SYT1: variants seen among roughly 807,000 people sequenced by gnomAD.
SYT1 encodes the protein synaptotagmin 1.
In SYT1, 8 loss-of-function variants were observed where a neutral mutation model predicts 44.8. The observed-to-expected ratio is 0.18, with a 90% CI of 0.10 to 0.32. SYT1 has a LOEUF of 0.32. Among genes scored for constraint, SYT1 ranks in the 10% least tolerant of loss-of-function variants. The probability of loss-of-function intolerance (pLI) is 1.00; values close to 1 mark genes in which losing one functional copy is unlikely to be tolerated. For synonymous variants in SYT1, 154 were observed against 188.8 expected (o/e 0.82, Z 1.51); for missense variants, 286 against 509.3 (o/e 0.56, Z 4.22).
At chr12:79,324,053 C>A (rs138662175) in intron 8 of SYT1, among the ~76,000 whole-genome samples, 229 of 150,128 alleles carry the variant, frequency 1.5e-3, no homozygotes, top group African/African-American at 5.2e-3. Context: ...CGTGTTCAAG[C>A]GATTCTCCTG....
chr12:78,893,098 C>T (rs983692614), intron 1 of SYT1, among the ~76,000 whole-genome samples: 1 of 151,780 alleles, frequency 6.6e-6, no homozygotes, highest in African/African-American at 2.4e-5. Context: ...TCATTACAAT[C>T]AGTATGCATG....
intron 8 of SYT1, among the ~76,000 whole-genome samples, chr12:79,317,758 A>G (rs942282488): frequency 6.6e-6 from 1 of 151,560 alleles, no homozygotes; most frequent in Admixed American, 6.6e-5. Flanking sequence ...TTGGAAAGAA[A>G]GAACACTGCA....
chr12:79,448,686 T>C (rs540539517), intron 10 of SYT1, among the ~76,000 whole-genome samples: 12 of 152,234 alleles, frequency 7.9e-5, no homozygotes. Context: ...AATGGCAATA[T>C]TAATAGGATC....
chr12:79,216,807 C>T (rs1222906227), intron 3 of SYT1, among the ~76,000 whole-genome samples: 1 of 152,016 alleles, frequency 6.6e-6, no homozygotes, highest in Non-Finnish European at 1.5e-5. Context: ...GTTTCATTAG[C>T]AGCACCTTGA....
intron 2 of SYT1, among the ~76,000 whole-genome samples, chr12:79,027,009 T>A (rs1004418887): frequency 6.6e-6 from 1 of 151,344 alleles, no homozygotes; most frequent in African/African-American, 2.4e-5. Context: ...CCTCAAAAAA[T>A]TGAAAATAGA....
intron 2 of SYT1, among the ~76,000 whole-genome samples, chr12:79,026,101 A>G (rs1364705052): frequency 1.3e-5 from 2 of 151,730 alleles, no homozygotes; most frequent in African/African-American, 2.4e-5. Context: ...TGAATTTTAT[A>G]TAATTTTTAA....
At chr12:79,219,721 T>C (rs996839054) in intron 4 of SYT1, among the ~76,000 whole-genome samples, 9 of 152,084 alleles carry the variant, frequency 5.9e-5, no homozygotes, top group African/African-American at 2.2e-4. Context: ...TTTATGCTTG[T>C]ACCATGCTGT....
chr12:79,159,423 A>G (rs1300634812), intron 3 of SYT1, among the ~76,000 whole-genome samples: 1 of 152,198 alleles, frequency 6.6e-6, no homozygotes. Context: ...CCAAGGTTTC[A>G]GTTACCTGTG....
At position 79,421,963 on chromosome 12, in the gene SYT1, C is replaced by T. The variant is rs1163880433; in HGVS notation, c.929-22110C>T. Among the ~76,000 whole-genome samples the T allele has an allele frequency of 4.6e-5, 7 of 151,932 alleles. No homozygotes were observed. In the East Asian group the frequency reaches 1.4e-3, roughly 29 times the overall value. ...CCTGTTCCATTTATTGAAACTTCTC[C>T]TTCAGGGACATCAATTTCCTCATGT... On this transcript the variant is annotated intron_variant, in intron 9 of 10. Transcript: ENST00000261205.
intron 3 of SYT1, among the ~76,000 whole-genome samples, chr12:79,211,798 C>T (rs1226018305): frequency 6.6e-6 from 1 of 151,876 alleles, no homozygotes; most frequent in Non-Finnish European, 1.5e-5. Flanking sequence ...GCATAGTATT[C>T]CATGGTGTAT....
At chr12:79,238,586 C>T (rs1194654885) in intron 4 of SYT1, among the ~76,000 whole-genome samples, 3 of 152,146 alleles carry the variant, frequency 2.0e-5, no homozygotes, top group Admixed American at 2.0e-4. Flanking sequence ...AATTACAGCT[C>T]ATGCACTTAA....
intron 1 of SYT1, among the ~76,000 whole-genome samples, chr12:78,946,764 C>T (rs1037307534): frequency 2.6e-5 from 4 of 151,940 alleles, no homozygotes; most frequent in African/African-American, 9.7e-5. Context: ...TTCTTAAACC[C>T]ACTAAACTCA....
chr12:79,430,373 T>C (rs866418004), intron 9 of SYT1, among the ~76,000 whole-genome samples: 3 of 152,224 alleles, frequency 2.0e-5, no homozygotes, highest in Non-Finnish European at 4.4e-5. Flanking sequence ...TGGACTAATT[T>C]AAATATAACT....
At chr12:79,026,612 T>C (rs1437711550) in intron 2 of SYT1, among the ~76,000 whole-genome samples, 1 of 146,992 alleles carries the variant, frequency 6.8e-6, no homozygotes, top group African/African-American at 2.5e-5. Context: ...GATACTGACT[T>C]GTTCCTTTTA....
chr12:79,004,626 TA>T (rs1870959920), intron 2 of SYT1, among the ~76,000 whole-genome samples: 1 of 151,988 alleles, frequency 6.6e-6, no homozygotes, highest in Non-Finnish European at 1.5e-5. Flanking sequence ...CAATTGTTCA[TA>T]AATACAGAGT....
intron 9 of SYT1, among the ~76,000 whole-genome samples, chr12:79,399,646 A>G (rs1361711608): frequency 6.6e-6 from 1 of 152,208 alleles, no homozygotes. Context: ...TAATATACAA[A>G]TAAATTAAAA....
chr12:79,391,830 G>A (rs1884668023), intron 9 of SYT1, among the ~76,000 whole-genome samples: 1 of 152,164 alleles, frequency 6.6e-6, no homozygotes, highest in South Asian at 2.1e-4. Context: ...TTAAAATACT[G>A]AGTACAAACC....
intron 1 of SYT1, among the ~76,000 whole-genome samples, chr12:78,890,055 T>G (rs1164857257): frequency 1.3e-5 from 2 of 151,968 alleles, no homozygotes; most frequent in African/African-American, 4.8e-5. Flanking sequence ...AAGTTCAAAT[T>G]TTATGGCTAA....
chr12:79,101,995 A>G (rs1878472311), intron 3 of SYT1, among the ~76,000 whole-genome samples: 1 of 152,168 alleles, frequency 6.6e-6, no homozygotes, highest in African/African-American at 2.4e-5. Context: ...AAGACAGATC[A>G]CATTCTCAAA....
Sources: gnomAD v4.1 joint callset for allele counts (sites outside exome capture counted in the v4.1 genomes callset) on GRCh38, gnomAD v4.1.1 for gene constraint, MANE v1.5 for transcripts, NCBI Gene and HGNC (gene_info 2026-07-23, HGNC 2026-07-21) for gene names.